Variants in GRPR observed in about 807,000 individuals in gnomAD.
GRPR encodes gastrin-releasing peptide receptor.
In GRPR, 4 loss-of-function variants were observed where a neutral mutation model predicts 15.6. The ratio of observed to expected loss-of-function variants is 0.26; its 90% CI spans 0.13 to 0.59. GRPR has a LOEUF of 0.59. Among genes scored for constraint, GRPR ranks in the 20% least tolerant of loss-of-function variants. The pLI, the probability that GRPR is intolerant of heterozygous loss-of-function variation, is 0.90. For missense variants in GRPR, 270 were observed against 304.1 expected (o/e 0.89, Z 0.83); for synonymous variants, 128 against 126.8 (o/e 1.01, Z -0.06).
At chrX:16,138,887 C>G (rs935575434) in intron 1 of GRPR, among the ~76,000 whole-genome samples, 13 of 112,249 alleles carry the variant, frequency 1.2e-4, no homozygotes, top group Non-Finnish European at 2.3e-4. Flanking sequence ...CATTAAGCAA[C>G]AAGTCCCCTT....
intron 1 of GRPR, among the ~76,000 whole-genome samples, chrX:16,133,275 C>T (rs1922404122): frequency 8.9e-6 from 1 of 111,788 alleles, no homozygotes; most frequent in Non-Finnish European, 1.9e-5. Context: ...TTTCCTACTT[C>T]CTGGACAATG....
rs762138325 is a variant in GRPR, at chrX:16,134,846, G to A, written c.413+10480G>A. Among the ~76,000 whole-genome samples, 5 of 111,042 alleles carry A rather than the reference G, an allele frequency of 4.5e-5. No homozygotes were observed. In the Admixed American group the frequency reaches 4.8e-4, roughly 11 times the overall value. On this transcript the variant is annotated intron_variant, in intron 1 of 2. Transcript: ENST00000380289. ...GTTTTTGCACATCATTTCTCTCCAG[G>A]ACTTTGGACTCTCAAATCCCTATTA...
At chrX:16,128,479 T>C (rs1286858933) in intron 1 of GRPR, among the ~76,000 whole-genome samples, 2 of 111,375 alleles carry the variant, frequency 1.8e-5, no homozygotes, top group African/African-American at 3.3e-5. Context: ...TGTGCCACTG[T>C]ACTCCAGCCT....
chrX:16,130,309 G>A (rs189295583), intron 1 of GRPR, among the ~76,000 whole-genome samples: 119 of 112,403 alleles, frequency 1.1e-3, no homozygotes, highest in Non-Finnish European at 1.8e-3. Context: ...AAAGGATAAA[G>A]TCCAGCAGCT....
At chrX:16,129,042 G>T (rs1922338762) in intron 1 of GRPR, among the ~76,000 whole-genome samples, 1 of 112,316 alleles carries the variant, frequency 8.9e-6, no homozygotes, top group South Asian at 3.7e-4. Context: ...CCATTATTCA[G>T]TGTTATTTTT....
intron 1 of GRPR, among the ~76,000 whole-genome samples, chrX:16,130,322 A>G (rs1922359634): frequency 1.8e-5 from 2 of 112,504 alleles, no homozygotes; most frequent in Admixed American, 1.9e-4. Context: ...CAGCAGCTAG[A>G]AGTAAAAGTC....
chrX:16,141,780 A>G (rs1383335505), intron 1 of GRPR, among the ~76,000 whole-genome samples: 1 of 112,118 alleles, frequency 8.9e-6, no homozygotes, highest in Non-Finnish European at 1.9e-5. Context: ...TAGAAGGATG[A>G]ATTAAACATG....
intron 1 of GRPR, among the ~76,000 whole-genome samples, chrX:16,132,498 C>T (rs1922392756): frequency 8.9e-6 from 1 of 111,859 alleles, no homozygotes; most frequent in Non-Finnish European, 1.9e-5. Context: ...TATTAAATAA[C>T]TGTCTGACAC....
chrX:16,139,427 C>T (rs1922497041), intron 1 of GRPR, among the ~76,000 whole-genome samples: 1 of 111,419 alleles, frequency 9.0e-6, no homozygotes, highest in Admixed American at 9.5e-5. Context: ...AACACAAATC[C>T]ATAAACTTTC....
At chrX:16,138,784 C>T (rs754638342) in intron 1 of GRPR, among the ~76,000 whole-genome samples, 2 of 111,649 alleles carry the variant, frequency 1.8e-5, no homozygotes, top group South Asian at 7.6e-4. Flanking sequence ...GTGTATAGTT[C>T]AGTGGCAGTA....
chrX:16,152,728 C>A lies in GRPR; in HGVS notation c.*83C>A. 1.1e-6 allele frequency: 1 copy of A among 902,256 alleles called. No individual in the cohort carries two copies. Among genetic ancestry groups the A allele is most frequent in the Non-Finnish European group, 1.6e-6 (1 of 617,772 alleles). 74.4% of individuals were successfully genotyped at this position (902,256 alleles called of 1,213,427 possible). ...CCTTGCATCCATTGTTGTGTCTGTGCCCTCCAAAGAGCCTTCAGAATGCTC... is the reference window on the plus strand; with the variant it reads ...CCTTGCATCCATTGTTGTGTCTGTGACCTCCAAAGAGCCTTCAGAATGCTC... On this transcript the variant is annotated 3_prime_UTR_variant, in exon 3 of 3. Transcript: ENST00000380289.
At chrX:16,140,532 A>C (rs759374050) in intron 1 of GRPR, among the ~76,000 whole-genome samples, 3 of 111,524 alleles carry the variant, frequency 2.7e-5, no homozygotes, top group South Asian at 3.8e-4. Context: ...ACCAAGGGTG[A>C]TCTCTGGCCA....
intron 1 of GRPR, among the ~76,000 whole-genome samples, chrX:16,146,750 T>C (rs1419602484): frequency 1.8e-5 from 2 of 112,055 alleles, no homozygotes; most frequent in Non-Finnish European, 3.8e-5. Context: ...ATATGCTCCA[T>C]GCTATACAAA....
At position 16,126,103 on chromosome X, in the gene GRPR, C is replaced by T. The variant is rs189459493; in HGVS notation, c.413+1737C>T. ...GAGTTTCAAAGCAGACCAAGTTCAC[C>T]ATCAACAGAAAGGGAAAGCTCTTTC... On this transcript the variant is annotated intron_variant, in intron 1 of 2. Transcript: ENST00000380289. Among the ~76,000 whole-genome samples the T allele has an allele frequency of 1.3e-4, 14 of 111,706 alleles. No individual in the cohort carries two copies. The East Asian group carries it at 3.1e-3, about 25-fold the overall frequency.
chrX:16,149,472 T>C (rs1262759271), intron 1 of GRPR, among the ~76,000 whole-genome samples: 1 of 110,433 alleles, frequency 9.1e-6, no homozygotes, highest in Non-Finnish European at 1.9e-5. Flanking sequence ...AAGGCTGAGA[T>C]CAGGAAGGCA....
At chrX:16,132,253 A>G (rs1044118567) in intron 1 of GRPR, among the ~76,000 whole-genome samples, 5 of 112,506 alleles carry the variant, frequency 4.4e-5, no homozygotes, top group Non-Finnish European at 7.5e-5. Context: ...CAGGAGAACA[A>G]TGGTTCCAAC....
Position 16,152,814 on chromosome X carries a change from G to T in GRPR, c.*169G>T, listed in dbSNP as rs1185746139. 2.1e-6 allele frequency: 1 copy of T among 472,009 alleles called. No homozygotes were observed. The highest frequency in any genetic ancestry group is 2.4e-5 in the African/African-American group (1 of 42,075). The allele number at this position is 472,009 out of a possible 1,213,427, so 38.9% of individuals were successfully genotyped here. On this transcript the variant is annotated 3_prime_UTR_variant, in exon 3 of 3. Coordinates refer to ENST00000380289, the MANE Select transcript of GRPR (RefSeq NM_005314.3). Reference sequence around the variant, plus strand: ...GATGGATCACCATTATATTTTGAAAGAAGCCATCAAGTCTTAAGTTTTTCA... The same window carrying T: ...GATGGATCACCATTATATTTTGAAATAAGCCATCAAGTCTTAAGTTTTTCA...
chrX:16,123,891 G>C lies in GRPR; in HGVS notation c.-63G>C, dbSNP rs1385363232. 1 of 945,760 alleles carries C rather than the reference G, an allele frequency of 1.1e-6. No individual in the cohort carries two copies. Among genetic ancestry groups the C allele is most frequent in the East Asian group, 3.1e-5 (1 of 32,704 alleles). The allele number at this position is 945,760 out of a possible 1,213,427, so 77.9% of individuals were successfully genotyped here. The stretch of plus-strand genomic sequence containing the variant: ...ATCTTATCTTCATCTTCACTCGGTT[G>C]CAAAATCAATAGTTAAGAAATAGCA... On this transcript the variant is annotated 5_prime_UTR_variant, in exon 1 of 3. Coordinates refer to ENST00000380289, the MANE Select transcript of GRPR (RefSeq NM_005314.3).
In GRPR at chrX:16,123,911, A is replaced by G. The variant is rs745525650; in HGVS notation, c.-43A>G. 6.4e-6 allele frequency: 7 copies of G among 1,094,287 alleles called. No individual in the cohort carries two copies. The highest frequency in any genetic ancestry group is 8.8e-6 in the Non-Finnish European group (7 of 792,749). The allele number at this position is 1,094,287 out of a possible 1,213,427, so 90.2% of individuals were successfully genotyped here. ...CGGTTGCAAAATCAATAGTTAAGAA[A>G]TAGCATCTAAGGGAACTTTTAGGTG... On this transcript the variant is annotated 5_prime_UTR_variant, in exon 1 of 3. Coordinates refer to ENST00000380289, the MANE Select transcript of GRPR (RefSeq NM_005314.3).
Sources: gnomAD v4.1 joint callset for allele counts (sites outside exome capture counted in the v4.1 genomes callset) on GRCh38, gnomAD v4.1.1 for gene constraint, MANE v1.5 for transcripts, NCBI Gene and HGNC (gene_info 2026-07-23, HGNC 2026-07-21) for gene names.